CFAP299: variants seen among roughly 807,000 people sequenced by gnomAD.
The protein encoded by CFAP299 is cilia and flagella associated protein 299.
In CFAP299, 21 loss-of-function variants were observed where a neutral mutation model predicts 27.0. That is an observed-to-expected ratio of 0.78 (90% CI 0.55 to 1.12). The LOEUF is 1.12. CFAP299 is among the 50% of genes most tolerant of loss of function. The pLI, the probability that CFAP299 is intolerant of heterozygous loss-of-function variation, is 0.00. For synonymous variants in CFAP299, 104 were observed against 98.1 expected (o/e 1.06, Z -0.36); for missense variants, 310 against 276.6 (o/e 1.12, Z -0.86).
intron 4 of CFAP299, among the ~76,000 whole-genome samples, chr4:80,882,968 A>G (rs560960565): frequency 2.6e-5 from 4 of 152,288 alleles, no homozygotes; most frequent in African/African-American, 9.6e-5. Flanking sequence ...ATGAAAATAC[A>G]TAAAATTATA....
chr4:80,863,254 T>C (rs1438297867), intron 3 of CFAP299, among the ~76,000 whole-genome samples: 1 of 151,790 alleles, frequency 6.6e-6, no homozygotes, highest in Non-Finnish European at 1.5e-5. Flanking sequence ...AAGTCCCATT[T>C]CGATGTATCA....
intron 3 of CFAP299, among the ~76,000 whole-genome samples, chr4:80,793,176 T>C (rs1727669624): frequency 3.3e-5 from 5 of 151,568 alleles, no homozygotes. Flanking sequence ...GGTCCCACAA[T>C]AGGCTGTCTG....
Position 80,358,255 on chromosome 4 carries a change from C to T in CFAP299, c.112-4499C>T, listed in dbSNP as rs183828390. ...ATTTGCTGAGGAGTGTTTTACTTCT[C>T]ATTATGTGGTCGATTTCAGAATATG... On this transcript the variant is annotated intron_variant, in intron 1 of 5. Transcript: ENST00000358105. Among the ~76,000 whole-genome samples the T allele has an allele frequency of 6.2e-3, 950 of 152,172 alleles. 2 individuals carry two copies. The highest frequency in any genetic ancestry group is 0.024 in the Middle Eastern group (7 of 292).
chr4:80,871,379 T>C (rs1381162298), intron 4 of CFAP299: 2 of 985,344 alleles, frequency 2.0e-6, no homozygotes, highest in Admixed American at 1.2e-4. Flanking sequence ...ACTGCACTTG[T>C]AGCTACCCCA....
At chr4:80,390,724 C>CACAAATAT (rs1560543496) in intron 2 of CFAP299, among the ~76,000 whole-genome samples, 1 of 119,246 alleles carries the variant, frequency 8.4e-6, no homozygotes, top group Non-Finnish European at 1.7e-5. Context: ...TACACACATA[C>CACAAATAT]ATGTATATAT....
chr4:80,565,118 G>A (rs4346635), intron 2 of CFAP299, among the ~76,000 whole-genome samples: 44,778 of 151,700 alleles, frequency 0.3, 9,831 homozygotes, highest in African/African-American at 0.61. Context: ...CTCTTTGACC[G>A]GAAATCTTCC....
intron 2 of CFAP299, among the ~76,000 whole-genome samples, chr4:80,384,628 AAGAGTTTCATGCATGACTT>A (rs1374046120): frequency 1.3e-5 from 2 of 152,180 alleles, no homozygotes; most frequent in African/African-American, 4.8e-5. Flanking sequence ...GAGTAGGACA[AAGAGTTTCATGCATGACTT>A]AGAGGTAAAT....
intron 2 of CFAP299, among the ~76,000 whole-genome samples, chr4:80,494,997 G>A (rs561988801): frequency 6.6e-6 from 1 of 152,288 alleles, no homozygotes; most frequent in South Asian, 2.1e-4. Flanking sequence ...TCCAGTATCT[G>A]AATTTAATTC....
chr4:80,776,156 G>A (rs1045682971), intron 3 of CFAP299, among the ~76,000 whole-genome samples: 3 of 152,098 alleles, frequency 2.0e-5, no homozygotes, highest in African/African-American at 4.8e-5. Flanking sequence ...AGGACACAAG[G>A]AAATGCTTGT....
At chr4:80,478,806 G>GT (rs1730412540) in intron 2 of CFAP299, among the ~76,000 whole-genome samples, 2 of 150,102 alleles carry the variant, frequency 1.3e-5, no homozygotes, top group African/African-American at 2.4e-5. Context: ...TTTTAAAGTC[G>GT]TATTTGGTGT....
chr4:80,404,161 A>G (rs760589247), intron 2 of CFAP299, among the ~76,000 whole-genome samples: 1 of 152,122 alleles, frequency 6.6e-6, no homozygotes. Context: ...AATTGCTCCT[A>G]AGTGAAATTG....
intron 2 of CFAP299, among the ~76,000 whole-genome samples, chr4:80,525,354 A>G (rs964487799): frequency 2.0e-5 from 3 of 152,078 alleles, no homozygotes; most frequent in Non-Finnish European, 4.4e-5. Flanking sequence ...TCATCTTATC[A>G]TATTTATCCA....
chr4:80,611,060 A>G (rs1248609757), intron 3 of CFAP299, among the ~76,000 whole-genome samples: 2 of 152,228 alleles, frequency 1.3e-5, no homozygotes, highest in Middle Eastern at 6.8e-3. Context: ...CCCTTGAGAC[A>G]GTCATGTTAT....
chr4:80,653,915 T>G (rs1740430362), intron 3 of CFAP299, among the ~76,000 whole-genome samples: 1 of 152,158 alleles, frequency 6.6e-6, no homozygotes, highest in South Asian at 2.1e-4. Flanking sequence ...CCATCAAGTT[T>G]GTGTCCTATT....
chr4:80,804,644 T>A (rs1728773285), intron 3 of CFAP299, among the ~76,000 whole-genome samples: 1 of 152,180 alleles, frequency 6.6e-6, no homozygotes, highest in South Asian at 2.1e-4. Flanking sequence ...TTATCTCTTA[T>A]AAACTTTTTT....
At chr4:80,359,830 G>A (rs981635233) in intron 1 of CFAP299, among the ~76,000 whole-genome samples, 4 of 151,970 alleles carry the variant, frequency 2.6e-5, no homozygotes, top group Non-Finnish European at 4.4e-5. Flanking sequence ...TGTCATTTCC[G>A]CCATCTCAGT....
chr4:80,945,028 C>A, intron 5 of CFAP299, 89 bp downstream of exon 5: 1 of 1,246,402 alleles, frequency 8.0e-7, no homozygotes, highest in Non-Finnish European at 1.1e-6. Flanking sequence ...ATATTTGACA[C>A]TCTTAAGTTG....
intron 4 of CFAP299, 46 bp downstream of exon 4, chr4:80,870,181 C>T: frequency 6.5e-7 from 1 of 1,546,480 alleles, no homozygotes; most frequent in East Asian, 2.3e-5. Flanking sequence ...GGGACAAAGA[C>T]TTTTTATTTT....
intron 2 of CFAP299, among the ~76,000 whole-genome samples, chr4:80,541,661 T>A (rs1023575584): frequency 1.7e-4 from 26 of 152,212 alleles, no homozygotes; most frequent in Admixed American, 6.5e-5. Context: ...TTTATTCTGT[T>A]CACAAACATT....
Sources: gnomAD v4.1 joint callset for allele counts (sites outside exome capture counted in the v4.1 genomes callset) on GRCh38, gnomAD v4.1.1 for gene constraint, MANE v1.5 for transcripts, NCBI Gene and HGNC (gene_info 2026-07-23, HGNC 2026-07-21) for gene names.